PLA2G4C: variants seen among roughly 807,000 people sequenced by gnomAD.
PLA2G4C encodes phospholipase A2 group IVC, also known as cytosolic phospholipase A2 gamma.
In PLA2G4C, 64 loss-of-function variants were observed where a neutral mutation model predicts 73.8. The observed-to-expected ratio is 0.87, with a 90% confidence interval of 0.71 to 1.07. The LOEUF (loss-of-function observed/expected upper bound fraction) is 1.07. Ranked by LOEUF, PLA2G4C falls within the 50% of genes least tolerant of loss-of-function variation. PLA2G4C has a pLI of 0.00. For missense variants in PLA2G4C, 622 were observed against 665.4 expected, an observed-to-expected ratio of 0.93 and a Z score of 0.72; for synonymous variants, 254 against 252.1, an observed-to-expected ratio of 1.01 and a Z score of -0.07.
At chr19:48,083,826 C>G (rs1285621972) in intron 10 of PLA2G4C, among the ~76,000 whole-genome samples, 1 of 151,870 alleles carries the variant, frequency 6.6e-6, no homozygotes, top group Non-Finnish European at 1.5e-5. Flanking sequence ...AGAGGTGGAG[C>G]TGGGATGTGG....
chr19:48,089,959 A>T (rs1416596365), intron 8 of PLA2G4C, among the ~76,000 whole-genome samples: 1 of 152,214 alleles, frequency 6.6e-6, no homozygotes, highest in Non-Finnish European at 1.5e-5. Flanking sequence ...GTTAAATGTT[A>T]AATGAGGGAC....
intron 6 of PLA2G4C, chr19:48,097,876 C>T: frequency 5.5e-6 from 2 of 362,778 alleles, no homozygotes; most frequent in Non-Finnish European, 9.9e-6. Context: ...ACCTCAGCCT[C>T]CCAAACCACT....
At chr19:48,051,429 AG>A (rs1481433020) in intron 16 of PLA2G4C, among the ~76,000 whole-genome samples, 1 of 152,214 alleles carries the variant, frequency 6.6e-6, no homozygotes, top group African/African-American at 2.4e-5. Flanking sequence ...GAAACTTATC[AG>A]GTTGGCGCAA....
intron 11 of PLA2G4C, among the ~76,000 whole-genome samples, chr19:48,075,167 T>C (rs2030057918): frequency 6.7e-6 from 1 of 149,204 alleles, no homozygotes; most frequent in Non-Finnish European, 1.5e-5. Context: ...TATTTATTTA[T>C]TTATTTATTT....
rs751558880 is a variant in PLA2G4C, at chr19:48,090,374, T to C, written c.753A>G (p.Glu251=). 1.2e-6 allele frequency: 2 copies of C among 1,611,004 alleles called. No individual in the cohort carries two copies. Among genetic ancestry groups the C allele is most frequent in the Non-Finnish European group, 1.7e-6 (2 of 1,177,170 alleles). The change falls in exon 8 of 17, where the codon GAA becomes GAG. Residue 251 remains glutamate (E), a synonymous_variant. Coordinates refer to ENST00000599921, the MANE Select transcript of PLA2G4C (RefSeq NM_003706.3). The part of the protein sequence containing the change: ...SALGNTEVIR[E]YIFDQLRNLT... Reference sequence around the variant, plus strand: ...TCCCCAAATACTCACCAAAAATGTATTCCCTAATGACTTCAGTGTTACCAA... The same window carrying C: ...TCCCCAAATACTCACCAAAAATGTACTCCCTAATGACTTCAGTGTTACCAA...
chr19:48,082,377 T>C (rs1276836344), intron 10 of PLA2G4C, among the ~76,000 whole-genome samples: 3 of 152,114 alleles, frequency 2.0e-5, no homozygotes, highest in Non-Finnish European at 2.9e-5. Flanking sequence ...GAAAATGCGA[T>C]AGAAAGCTAA....
intron 16 of PLA2G4C, among the ~76,000 whole-genome samples, chr19:48,049,438 A>G (rs149677053): frequency 1.9e-4 from 29 of 152,132 alleles, no homozygotes; most frequent in African/African-American, 7.0e-4. Flanking sequence ...GGTCGTCTCC[A>G]TGGCACTTAC....
rs140826203 is a variant in PLA2G4C, at chr19:48,070,158, T to C, written c.1007-2272A>G. On this transcript the variant is annotated intron_variant, in intron 12 of 16. Coordinates refer to ENST00000599921, the MANE Select transcript of PLA2G4C (RefSeq NM_003706.3). The stretch of plus-strand genomic sequence containing the variant: ...CCCTTATAGATTTATGAGGAATAAG[T>C]AAGAGCCTGCCTATAGCACTTAGGA... 6.3e-3 allele frequency among the ~76,000 whole-genome samples: 964 copies of C among 152,296 alleles called. 13 individuals carry two copies. Among genetic ancestry groups the C allele is most frequent in the African/African-American group, 0.022 (929 of 41,554 alleles).
chr19:48,079,822 A>C (rs1192072235), intron 10 of PLA2G4C, among the ~76,000 whole-genome samples: 1 of 152,128 alleles, frequency 6.6e-6, no homozygotes, highest in Non-Finnish European at 1.5e-5. Context: ...TTGGCCAGGT[A>C]TGGTGTTGGA....
intron 4 of PLA2G4C, among the ~76,000 whole-genome samples, chr19:48,101,120 ATATATATTT>A (rs146859849): frequency 6.7e-4 from 55 of 82,464 alleles, no homozygotes; most frequent in South Asian, 1.7e-3. Flanking sequence ...ATATATATAT[ATATATATTT>A]TTTTTTTTTT....
rs2032079496 is a variant in PLA2G4C, at chr19:48,104,693, C to G, written c.152G>C (p.Gly51Ala). 1.2e-6 allele frequency: 2 copies of G among 1,614,106 alleles called. No homozygotes were observed. Among genetic ancestry groups the G allele is most frequent in the African/African-American group, 2.7e-5 (2 of 75,034 alleles). Residue 51 changes from glycine to alanine, a missense_variant, in exon 4 of 17, where the codon GGA (glycine) becomes GCA (alanine). By Grantham distance (60) the Gly-to-Ala change is moderately conservative. Coordinates refer to ENST00000599921, the MANE Select transcript of PLA2G4C (RefSeq NM_003706.3). ...GCAGGCAATGTGAGCCCGCAGTCCT[C>G]CGCCTGAGCCCAGCACAGCAACAAC... Reference protein sequence around the residue: ...APVVAVLGSGGGLRAHIACLG... With the variant: ...APVVAVLGSGAGLRAHIACLG...
chr19:48,054,526 AG>A (rs1310997381), intron 15 of PLA2G4C, among the ~76,000 whole-genome samples: 1 of 149,870 alleles, frequency 6.7e-6, no homozygotes, highest in East Asian at 2.0e-4. Flanking sequence ...TGTGTTAGCC[AG>A]GATGGTCTCA....
At chr19:48,104,858 G>A in intron 3 of PLA2G4C, 134 bp from the exon 4 acceptor site, 5 of 790,690 alleles carry the variant, frequency 6.3e-6, no homozygotes, top group Non-Finnish European at 9.9e-6. Context: ...CGAGGCAGGT[G>A]GATCACTTGA....
At chr19:48,055,202 A>G (rs915902255) in intron 14 of PLA2G4C, 153 bp from the exon 15 acceptor site, 32 of 677,052 alleles carry the variant, frequency 4.7e-5, no homozygotes, top group Middle Eastern at 4.2e-4. Context: ...CATCTTCTGT[A>G]AGGGAAAGAG....
chr19:48,059,412 T>C (rs1968084386), intron 14 of PLA2G4C, among the ~76,000 whole-genome samples: 1 of 152,166 alleles, frequency 6.6e-6, no homozygotes, highest in Non-Finnish European at 1.5e-5. Context: ...TCGACTTGAT[T>C]GAAGGGTGCC....
chr19:48,088,240 A>G (rs2031096757), intron 9 of PLA2G4C, among the ~76,000 whole-genome samples: 1 of 152,200 alleles, frequency 6.6e-6, no homozygotes, highest in Non-Finnish European at 1.5e-5. Flanking sequence ...TACAACCAGC[A>G]TATGAGAAAG....
intron 8 of PLA2G4C, among the ~76,000 whole-genome samples, chr19:48,089,558 A>G (rs1336470342): frequency 2.0e-5 from 3 of 152,224 alleles, no homozygotes; most frequent in African/African-American, 4.8e-5. Flanking sequence ...TAAGATTAAC[A>G]TGTAATGAAA....
chr19:48,069,920 A>G (rs2122527918), intron 12 of PLA2G4C, among the ~76,000 whole-genome samples: 1 of 152,140 alleles, frequency 6.6e-6, no homozygotes, highest in Non-Finnish European at 1.5e-5. Context: ...ACCCACCACT[A>G]CGCCCGGCTA....
chr19:48,110,531 T>TGCGGAGGCTTGG lies in PLA2G4C; in HGVS notation c.-78_-77insCCAAGCCTCCGC. The TGCGGAGGCTTGG allele has an allele frequency of 7.2e-7, 1 of 1,386,158 alleles. No individual in the cohort carries two copies. Among genetic ancestry groups the TGCGGAGGCTTGG allele is most frequent in the Non-Finnish European group, 9.5e-7 (1 of 1,049,482 alleles). 85.9% of individuals were successfully genotyped at this position (1,386,158 alleles called of 1,614,324 possible). On this transcript the variant is annotated 5_prime_UTR_variant, in exon 1 of 17. Coordinates refer to ENST00000599921, the MANE Select transcript of PLA2G4C (RefSeq NM_003706.3). ...GTGTGCGCATGCGCGGTGGAGCTTG[T>TGCGGAGGCTTGG]GCTCCGGAATCCGGTGCGGAGGCTT...
Sources: gnomAD v4.1 joint callset for allele counts (sites outside exome capture counted in the v4.1 genomes callset) on GRCh38, gnomAD v4.1.1 for gene constraint, MANE v1.5 for transcripts, NCBI Gene and HGNC (gene_info 2026-07-23, HGNC 2026-07-21) for gene names.